The following SPICE1 variants were observed in gnomAD, a reference collection of about 807,000 sequenced individuals.
SPICE1 encodes spindle and centriole-associated protein 1.
A neutral mutation model predicts 102.7 loss-of-function variants in SPICE1; 75 were observed. The ratio of observed to expected loss-of-function variants is 0.73; its 90% CI spans 0.61 to 0.88. The LOEUF (loss-of-function observed/expected upper bound fraction) is 0.88. SPICE1 is among the 40% of genes least tolerant of loss of function. SPICE1 has a pLI of 0.00. For missense variants in SPICE1, 979 were observed against 1,020.1 expected, an observed-to-expected ratio of 0.96 and a Z score of 0.55; for synonymous variants, 308 against 350.3, an observed-to-expected ratio of 0.88 and a Z score of 1.35.
chr3:113,457,879 A>G (rs1410581224), intron 12 of SPICE1, among the ~76,000 whole-genome samples: 1 of 152,140 alleles, frequency 6.6e-6, no homozygotes, highest in East Asian at 1.9e-4. Context: ...GGCTGGTAGA[A>G]TTTTTCATTA....
At chr3:113,466,471 G>A (rs1015882702) in intron 10 of SPICE1, among the ~76,000 whole-genome samples, 2 of 151,986 alleles carry the variant, frequency 1.3e-5, no homozygotes, top group African/African-American at 2.4e-5. Flanking sequence ...TTAACTGGGC[G>A]TGGTGGTGCA....
chr3:113,490,528 C>G (rs13092925), intron 6 of SPICE1, among the ~76,000 whole-genome samples: 38,175 of 151,776 alleles, frequency 0.25, 5,129 homozygotes, highest in African/African-American at 0.35. Flanking sequence ...TGTGGTCTCA[C>G]CTACTCAAGA....
At chr3:113,502,429 G>A (rs1937026198) in intron 3 of SPICE1, among the ~76,000 whole-genome samples, 1 of 152,094 alleles carries the variant, frequency 6.6e-6, no homozygotes, top group African/African-American at 2.4e-5. Context: ...CAAACGACCA[G>A]AATAGGCAAA....
Position 113,443,562 on chromosome 3 carries a change from G to A in SPICE1, c.*1745C>T, listed in dbSNP as rs150910154. On this transcript the variant is annotated 3_prime_UTR_variant, in exon 18 of 18. Transcript: ENST00000295872. The stretch of plus-strand genomic sequence containing the variant: ...CAAATGAGATAATGGTGATACCACA[G>A]CTTATAGTACGGTGTCTGCCACAGT... The A allele has an allele frequency of 6.6e-6, 1 of 152,294 alleles. No homozygotes were observed. The highest frequency in any genetic ancestry group is 1.9e-4 in the East Asian group (1 of 5,178). 9.4% of individuals were successfully genotyped at this position (152,294 alleles called of 1,614,324 possible).
intron 1 of SPICE1, among the ~76,000 whole-genome samples, chr3:113,508,028 G>A (rs971074255): frequency 2.0e-5 from 3 of 152,198 alleles, no homozygotes; most frequent in East Asian, 1.9e-4. Flanking sequence ...ACAATTCAAC[G>A]GGGAAAGAAT....
Position 113,508,754 on chromosome 3 carries a change from T to A in SPICE1, c.1-2149A>T, listed in dbSNP as rs1937161089. Among the ~76,000 whole-genome samples the A allele has an allele frequency of 2.6e-5, 4 of 152,178 alleles. No individual in the cohort carries two copies. The South Asian group carries it at 8.3e-4, about 31-fold the overall frequency. On this transcript the variant is annotated intron_variant, in intron 1 of 17. Transcript: ENST00000295872. ...ACATGACCCAGCAATTCAACTCACA[T>A]ATTTACATCCAAGAGAACTAAAAAC... is the stretch of plus-strand genomic sequence containing the variant.
intron 12 of SPICE1, among the ~76,000 whole-genome samples, chr3:113,458,256 A>G (rs1166772317): frequency 6.6e-6 from 1 of 151,684 alleles, no homozygotes; most frequent in Non-Finnish European, 1.5e-5. Flanking sequence ...TCTCCCTCTG[A>G]TGCCCAGCCG....
intron 13 of SPICE1, among the ~76,000 whole-genome samples, chr3:113,456,840 T>C (rs972458707): frequency 5.3e-5 from 8 of 152,172 alleles, no homozygotes; most frequent in Non-Finnish European, 4.4e-5. Flanking sequence ...TCCTGGACCA[T>C]AGGGACAAAA....
chr3:113,447,028 G>A (rs1183137493), intron 16 of SPICE1, among the ~76,000 whole-genome samples: 1 of 152,048 alleles, frequency 6.6e-6, no homozygotes, highest in Non-Finnish European at 1.5e-5. Context: ...GAGACCTGAT[G>A]GGTTTATCAG....
chr3:113,488,987 A>C lies in SPICE1; in HGVS notation c.569T>G (p.Leu190Trp). ...QSGESENENE[L>W]DNSLNSQSNT... ...AGACTGAGAGTTTAGAGAGTTATCCAACTCATTCTCATTCTCACTTTCTCC... is the reference window on the plus strand; with the variant it reads ...AGACTGAGAGTTTAGAGAGTTATCCCACTCATTCTCATTCTCACTTTCTCC... The change falls in exon 7 of 18, where the codon TTG becomes TGG. Residue 190 changes from leucine (L) to tryptophan (W), a missense_variant. Physicochemically the swap from Leu to Trp is moderately conservative, Grantham distance 61. Transcript: ENST00000295872. 2.5e-6 allele frequency: 4 copies of C among 1,613,374 alleles called. No individual in the cohort carries two copies. The highest frequency in any genetic ancestry group is 3.4e-6 in the Non-Finnish European group (4 of 1,179,398).
rs371892538 is a variant in SPICE1, at chr3:113,450,317, T to C, written c.2323+19A>G. 11 of 1,613,232 alleles carry C rather than the reference T, an allele frequency of 6.8e-6. No individual in the cohort carries two copies. The East Asian group carries it at 2.5e-4, about 36-fold the overall frequency. On this transcript the variant is annotated intron_variant, in intron 15 of 17. Transcript: ENST00000295872. Reference sequence around the variant, plus strand: ...AACCTTCATATTTCTAGTTTTTAAATCATGAATTTGTGACCAACCAGTCCA... The same window carrying C: ...AACCTTCATATTTCTAGTTTTTAAACCATGAATTTGTGACCAACCAGTCCA...
At position 113,448,447 on chromosome 3, in the gene SPICE1, G is replaced by A. The variant is rs1486995824; in HGVS notation, c.2324-307C>T. Among the ~76,000 whole-genome samples, 3 of 151,906 alleles carry A rather than the reference G, an allele frequency of 2.0e-5. No individual in the cohort carries two copies. In the East Asian group the frequency reaches 5.8e-4, roughly 29 times the overall value. On this transcript the variant is annotated intron_variant, in intron 15 of 17. Transcript: ENST00000295872. Reference sequence around the variant, plus strand: ...ATTAAGAGCTAGCCCTAAAGAGCTTGAGATCTTTGTCCAAAAGAGCTTACC... The same window carrying A: ...ATTAAGAGCTAGCCCTAAAGAGCTTAAGATCTTTGTCCAAAAGAGCTTACC...
rs751510380 is a variant in SPICE1 at position 113,443,039 on chromosome 3, C to G, written c.*2268G>C. The G allele has an allele frequency of 8.6e-5, 13 of 152,006 alleles. No homozygotes were observed. The highest frequency in any genetic ancestry group is 2.1e-4 in the South Asian group (1 of 4,822). 9.4% of individuals were successfully genotyped at this position (152,006 alleles called of 1,614,324 possible). On this transcript the variant is annotated 3_prime_UTR_variant, in exon 18 of 18. Coordinates refer to ENST00000295872, the MANE Select transcript of SPICE1 (RefSeq NM_144718.4). ...TGCAATTGTTAATCTGAGAAAGATA[C>G]AATAAATTCACTATACAATGTCTTA...
intron 4 of SPICE1, among the ~76,000 whole-genome samples, chr3:113,497,698 GAA>G (rs3085000): frequency 7.8e-6 from 1 of 127,884 alleles, no homozygotes; most frequent in Non-Finnish European, 1.6e-5. Flanking sequence ...GAGAGAGAGA[GAA>G]AGAGAGCTTT....
At chr3:113,458,332 C>T (rs976719569) in intron 12 of SPICE1, among the ~76,000 whole-genome samples, 2 of 152,216 alleles carry the variant, frequency 1.3e-5, no homozygotes, top group East Asian at 3.8e-4. Flanking sequence ...CCTGCCTCAG[C>T]CTGCCAAGTG....
In SPICE1 at chr3:113,469,211, A is replaced by G. The variant is rs774537512; in HGVS notation, c.639T>C (p.Asn213=). Residue 213 remains asparagine, a synonymous_variant, in exon 8 of 18, where the codon AAT becomes AAC. Coordinates refer to ENST00000295872, the MANE Select transcript of SPICE1 (RefSeq NM_144718.4). ...TCCACAACTTACTAATTAACTCAAA[A>G]TTCTCTTCTGTTAGTTGTTGGAGAA... ...DRFLQQLTEE[N]FELISKLWTD... is the part of the protein sequence containing the mutation. 1 of 1,589,890 alleles carries G rather than the reference A, an allele frequency of 6.3e-7. No individual in the cohort carries two copies. Among genetic ancestry groups the G allele is most frequent in the Admixed American group, 1.7e-5 (1 of 58,102 alleles).
chr3:113,469,238 C>T lies in SPICE1; in HGVS notation c.612G>A (p.Arg204=), dbSNP rs773405832. 54 of 1,545,456 alleles carry T rather than the reference C, an allele frequency of 3.5e-5. No homozygotes were observed. Among genetic ancestry groups the T allele is most frequent in the Non-Finnish European group, 4.5e-5 (51 of 1,142,296 alleles). ...TCTCTTCTGTTAGTTGTTGGAGAAACCTATAAATTACAGGACAATAAGCTA... is the reference window on the plus strand; with the variant it reads ...TCTCTTCTGTTAGTTGTTGGAGAAATCTATAAATTACAGGACAATAAGCTA... ...LNSQSNTNTD[R]FLQQLTEENF... The change falls in exon 8 of 18, where the codon AGG becomes AGA. Residue 204 remains arginine (R), a splice_region_variant and synonymous_variant. Coordinates refer to ENST00000295872, the MANE Select transcript of SPICE1 (RefSeq NM_144718.4).
intron 4 of SPICE1, among the ~76,000 whole-genome samples, chr3:113,497,682 TA>T (rs1559974526): frequency 4.4e-5 from 6 of 136,328 alleles, no homozygotes; most frequent in Non-Finnish European, 7.6e-5. Context: ...CATACATACA[TA>T]GAGAGAGAGA....
At position 113,443,521 on chromosome 3, in the gene SPICE1, G is replaced by A. The variant is rs1935439035; in HGVS notation, c.*1786C>T. The A allele has an allele frequency of 6.6e-6, 1 of 152,174 alleles. No homozygotes were observed. The highest frequency in any genetic ancestry group is 2.4e-5 in the African/African-American group (1 of 41,432). 9.4% of individuals were successfully genotyped at this position (152,174 alleles called of 1,614,324 possible). A position where few individuals can be genotyped will look rare whatever the true frequency, so the allele number is the denominator to read the frequency against. On this transcript the variant is annotated 3_prime_UTR_variant, in exon 18 of 18. Transcript: ENST00000295872. ...AGCATTTACATACCTCTAACTGATA[G>A]GTCTACTATGAGATTCAAATGAGAT...
Sources: allele counts gnomAD v4.1 joint callset (sites outside exome capture counted in the v4.1 genomes callset), GRCh38; gene constraint gnomAD v4.1.1; transcripts MANE v1.5; gene names NCBI Gene and HGNC (gene_info 2026-07-23, HGNC 2026-07-21).